The following SLC25A26 variants were observed in gnomAD, a reference collection of about 807,000 sequenced individuals.
The protein encoded by SLC25A26 is mitochondrial S-adenosylmethionine carrier protein.
In SLC25A26, 36 loss-of-function variants were observed where a neutral mutation model predicts 37.8. The ratio of observed to expected loss-of-function variants is 0.95; its 90% confidence interval spans 0.73 to 1.26. The LOEUF (loss-of-function observed/expected upper bound fraction) is 1.26. Ranked by LOEUF, SLC25A26 falls within the 50% of genes most tolerant of loss-of-function variation. The probability of loss-of-function intolerance (pLI) is 0.00; values close to 1 mark genes in which losing one functional copy is unlikely to be tolerated. For synonymous variants in SLC25A26, 129 were observed against 122.5 expected, an observed-to-expected ratio of 1.05 and a Z score of -0.35; for missense variants, 390 against 331.1, an observed-to-expected ratio of 1.18 and a Z score of -1.38.
intron 5 of SLC25A26, among the ~76,000 whole-genome samples, chr3:66,306,153 T>C (rs1332753056): frequency 6.6e-6 from 1 of 152,122 alleles, no homozygotes; most frequent in Non-Finnish European, 1.5e-5. Context: ...CCCAGCTAAT[T>C]TTTTGTTTAG....
chr3:66,154,547 T>G (rs1016014958), intron 1 of SLC25A26, among the ~76,000 whole-genome samples: 14 of 148,332 alleles, frequency 9.4e-5, no homozygotes, highest in South Asian at 4.2e-4. Context: ...TTTCTTTTTT[T>G]TTTTTTTTTT....
At chr3:66,198,008 A>G (rs2071066992) in intron 1 of SLC25A26, among the ~76,000 whole-genome samples, 1 of 151,974 alleles carries the variant, frequency 6.6e-6, no homozygotes, top group South Asian at 2.1e-4. Flanking sequence ...GTGAGTGTAT[A>G]TGTCAGAGAA....
chr3:66,349,238 A>G (rs140318433), intron 6 of SLC25A26, among the ~76,000 whole-genome samples: 4 of 152,256 alleles, frequency 2.6e-5, no homozygotes, highest in East Asian at 3.9e-4. Context: ...TTTTCTGTCA[A>G]GTCGTTTCTT....
chr3:66,151,996 G>C (rs1431821371), intron 1 of SLC25A26, among the ~76,000 whole-genome samples: 3 of 152,120 alleles, frequency 2.0e-5, no homozygotes, highest in African/African-American at 7.2e-5. Flanking sequence ...TGAAATAGAG[G>C]TGTTACTGAG....
intron 5 of SLC25A26, among the ~76,000 whole-genome samples, chr3:66,300,243 G>GTTTTTT (rs1395905357): frequency 3.5e-5 from 4 of 113,478 alleles, no homozygotes; most frequent in Non-Finnish European, 6.2e-5. Flanking sequence ...CTAGGCTAGG[G>GTTTTTT]TTTTTTTGTT....
intron 6 of SLC25A26, among the ~76,000 whole-genome samples, chr3:66,351,493 C>G (rs1335561065): frequency 6.6e-6 from 1 of 152,100 alleles, no homozygotes; most frequent in East Asian, 1.9e-4. Context: ...CTGACAAAGA[C>G]CTGTAGCTTG....
chr3:66,344,417 C>T (rs1356411563), intron 5 of SLC25A26, among the ~76,000 whole-genome samples: 8 of 151,670 alleles, frequency 5.3e-5, no homozygotes, highest in Admixed American at 3.3e-4. Flanking sequence ...GAGCTGAGAT[C>T]GTGCCACTGC....
Position 66,236,607 on chromosome 3 carries a change from A to G in SLC25A26, c.97A>G (p.Arg33Gly). The stretch of plus-strand genomic sequence containing the variant: ...ATTTCCTCTGGATACCATTAAAACC[A>G]GGCTGCAGAGTCCCCAAGGATTTAG... ...ILFPLDTIKT[R>G]LQSPQGFSKA... The change falls in exon 2 of 10, where the codon AGG (arginine) becomes GGG (glycine). Residue 33 changes from arginine (R) to glycine (G), a missense_variant. By Grantham distance (125) the Arg-to-Gly change is moderately radical. Coordinates refer to ENST00000354883, the MANE Select transcript of SLC25A26 (RefSeq NM_001379210.1). The G allele has an allele frequency of 6.6e-7, 1 of 1,521,420 alleles. No individual in the cohort carries two copies. 94.2% of individuals were successfully genotyped at this position (1,521,420 alleles called of 1,614,324 possible).
chr3:66,374,120 G>A (rs903392273), intron 9 of SLC25A26, among the ~76,000 whole-genome samples: 5 of 152,158 alleles, frequency 3.3e-5, no homozygotes, highest in African/African-American at 1.2e-4. Flanking sequence ...CACTAGTTTT[G>A]CCTTCATTAA....
In SLC25A26 at chr3:66,342,555, A is replaced by G. The variant is rs370721349; in HGVS notation, c.454-3809A>G. Reference sequence around the variant, plus strand: ...ATTGAAGGACCATTAGGTTACATTTATTTTAAGATTACAGGGATAGAAGCA... The same window carrying G: ...ATTGAAGGACCATTAGGTTACATTTGTTTTAAGATTACAGGGATAGAAGCA... On this transcript the variant is annotated intron_variant, in intron 5 of 9. Coordinates refer to ENST00000354883, the MANE Select transcript of SLC25A26 (RefSeq NM_001379210.1). Among the ~76,000 whole-genome samples, 9 of 152,212 alleles carry G rather than the reference A, an allele frequency of 5.9e-5. No homozygotes were observed. The East Asian group carries it at 9.6e-4, about 16-fold the overall frequency.
chr3:66,249,048 G>A (rs1228224235), intron 3 of SLC25A26, among the ~76,000 whole-genome samples: 1 of 152,190 alleles, frequency 6.6e-6, no homozygotes, highest in African/African-American at 2.4e-5. Context: ...TTTAGTAGGT[G>A]CACAACACTG....
chr3:66,166,663 T>C (rs1163188612), intron 1 of SLC25A26, among the ~76,000 whole-genome samples: 1 of 152,202 alleles, frequency 6.6e-6, no homozygotes, highest in African/African-American at 2.4e-5. Context: ...CACTGTCTAT[T>C]TGTAGCTTTT....
intron 1 of SLC25A26, among the ~76,000 whole-genome samples, chr3:66,153,802 A>G (rs980784875): frequency 2.6e-5 from 4 of 152,214 alleles, no homozygotes; most frequent in Admixed American, 6.5e-5. Flanking sequence ...TGAAAACCCC[A>G]GCTAGTTCAC....
At chr3:66,164,052 C>G (rs1344005531) in intron 1 of SLC25A26, among the ~76,000 whole-genome samples, 2 of 152,124 alleles carry the variant, frequency 1.3e-5, no homozygotes, top group Non-Finnish European at 2.9e-5. Context: ...GGTTGAGAAA[C>G]TCTGATTTAA....
intron 5 of SLC25A26, among the ~76,000 whole-genome samples, chr3:66,272,037 T>C (rs1576762861): frequency 6.6e-6 from 1 of 152,312 alleles, no homozygotes; most frequent in East Asian, 1.9e-4. Flanking sequence ...ATACTTCTTA[T>C]ATTGATATAT....
At chr3:66,189,387 T>A (rs1162210456) in intron 1 of SLC25A26, among the ~76,000 whole-genome samples, 3 of 152,082 alleles carry the variant, frequency 2.0e-5, no homozygotes, top group African/African-American at 7.2e-5. Context: ...ATACTGCTCC[T>A]GACACTTACC....
In SLC25A26 at chr3:66,300,965, C is replaced by T. The variant is rs116387937; in HGVS notation, c.453+37586C>T. Among the ~76,000 whole-genome samples, 134 of 152,184 alleles carry T rather than the reference C, an allele frequency of 8.8e-4. 1 individual carries two copies. Among genetic ancestry groups the T allele is most frequent in the African/African-American group, 3.1e-3 (129 of 41,536 alleles). On this transcript the variant is annotated intron_variant, in intron 5 of 9. Transcript: ENST00000354883. ...GATTTCTAAGCAGATTTGGGAATTA[C>T]GGCATTGAAAATACTTTGTTGCTTT...
chr3:66,222,593 C>A (rs901275610), intron 1 of SLC25A26, among the ~76,000 whole-genome samples: 4 of 151,730 alleles, frequency 2.6e-5, no homozygotes, highest in Non-Finnish European at 5.9e-5. Flanking sequence ...ATACATTATC[C>A]CATTTAATTC....
intron 1 of SLC25A26, among the ~76,000 whole-genome samples, chr3:66,181,392 A>G (rs558351562): frequency 2.4e-4 from 37 of 152,298 alleles, no homozygotes; most frequent in Middle Eastern, 6.8e-3. Context: ...ATAACAGCTT[A>G]TATCTGCAAG....
Sources: gnomAD v4.1 joint callset for allele counts (sites outside exome capture counted in the v4.1 genomes callset) on GRCh38, gnomAD v4.1.1 for gene constraint, MANE v1.5 for transcripts, NCBI Gene and HGNC (gene_info 2026-07-23, HGNC 2026-07-21) for gene names.